PRMT7: variants seen among roughly 807,000 people sequenced by gnomAD.
PRMT7 encodes protein arginine methyltransferase 7, also known as protein arginine N-methyltransferase 7.
Under a neutral mutation model 85.4 loss-of-function variants are expected in PRMT7, and 75 were observed. That is an observed-to-expected ratio of 0.88 (90% CI 0.73 to 1.06). The LOEUF (loss-of-function observed/expected upper bound fraction) is 1.06, where lower values mean the gene tolerates loss of function less well. PRMT7 is among the 50% of genes least tolerant of loss of function. PRMT7 has a pLI of 0.00. For missense variants in PRMT7, 868 were observed against 915.2 expected (o/e 0.95, Z 0.67); for synonymous variants, 397 against 359.5 (o/e 1.10, Z -1.18).
chr16:68,348,559 T>G, intron 14 of PRMT7, 128 bp downstream of exon 14: 8 of 472,598 alleles, frequency 1.7e-5, no homozygotes, highest in Admixed American at 4.1e-5. Context: ...CCTTACCTCC[T>G]ACGAGCTCCC....
chr16:68,317,427 G>A (rs1292058256), intron 3 of PRMT7, among the ~76,000 whole-genome samples: 2 of 152,126 alleles, frequency 1.3e-5, no homozygotes, highest in Non-Finnish European at 2.9e-5. Context: ...TTGTGGCTGG[G>A]TGCAGTGGCC....
intron 2 of PRMT7, among the ~76,000 whole-genome samples, chr16:68,313,880 T>C (rs2044314618): frequency 1.3e-5 from 2 of 151,950 alleles, no homozygotes; most frequent in African/African-American, 4.8e-5. Flanking sequence ...GGCTGTAGAG[T>C]GTAATGATCA....
At chr16:68,333,081 C>T (rs1433459054) in intron 6 of PRMT7, among the ~76,000 whole-genome samples, 4 of 152,156 alleles carry the variant, frequency 2.6e-5, no homozygotes. Flanking sequence ...GCAGCCTCGA[C>T]TTCTGGGCTC....
intron 6 of PRMT7, among the ~76,000 whole-genome samples, chr16:68,334,867 G>T (rs56331745): frequency 0.14 from 20,875 of 151,948 alleles, 1,530 homozygotes; most frequent in African/African-American, 0.18. Context: ...GGCAATTTCA[G>T]CTCACTACAA....
At chr16:68,319,897 G>T (rs1198638005) in intron 3 of PRMT7, among the ~76,000 whole-genome samples, 1 of 152,106 alleles carries the variant, frequency 6.6e-6, no homozygotes, top group Admixed American at 6.5e-5. Flanking sequence ...TCCCGACCCC[G>T]CCTGAGGGTT....
chr16:68,349,896 A>C (rs780410296), intron 14 of PRMT7, among the ~76,000 whole-genome samples: 1 of 148,406 alleles, frequency 6.7e-6, no homozygotes, highest in Non-Finnish European at 1.5e-5. Context: ...CCTTGTCTCT[A>C]AAAAAAATGG....
intron 7 of PRMT7, among the ~76,000 whole-genome samples, chr16:68,337,913 G>A (rs994204507): frequency 1.3e-5 from 2 of 152,236 alleles, no homozygotes; most frequent in Admixed American, 6.5e-5. Context: ...AGAGCAGCAC[G>A]TGCTAGACGT....
At chr16:68,320,604 C>A (rs933656772) in intron 3 of PRMT7, among the ~76,000 whole-genome samples, 6 of 152,162 alleles carry the variant, frequency 3.9e-5, no homozygotes, top group Non-Finnish European at 7.4e-5. Flanking sequence ...AAACCCACGA[C>A]CTTCAGTGTG....
At chr16:68,352,487 G>T in intron 15 of PRMT7, 78 bp downstream of exon 15, 1 of 1,465,670 alleles carries the variant, frequency 6.8e-7, no homozygotes, top group African/African-American at 1.4e-5. Context: ...GGAACCTTGG[G>T]TGCCTGTAGA....
intron 4 of PRMT7, among the ~76,000 whole-genome samples, chr16:68,323,202 T>C (rs2082703682): frequency 7.1e-6 from 1 of 141,174 alleles, no homozygotes; most frequent in South Asian, 2.2e-4. Context: ...CATTTCTTTT[T>C]TTTCTTTTTT....
At chr16:68,356,585 C>T (rs2088552867) in intron 17 of PRMT7, 116 bp from the exon 18 acceptor site, 2 of 740,350 alleles carry the variant, frequency 2.7e-6, no homozygotes, top group Admixed American at 2.5e-5. Context: ...GAACTCCCGG[C>T]AGGGCAGGAA....
At chr16:68,348,487 C>T (rs2086746084) in intron 14 of PRMT7, 56 bp downstream of exon 14, 1 of 1,423,896 alleles carries the variant, frequency 7.0e-7, no homozygotes, top group Non-Finnish European at 9.9e-7. Flanking sequence ...GTCAGCACGG[C>T]ACTGAAGTAG....
At chr16:68,356,913 A>G in intron 18 of PRMT7, 116 bp downstream of exon 18, 1 of 1,369,268 alleles carries the variant, frequency 7.3e-7, no homozygotes, top group East Asian at 2.5e-5. Context: ...TTCGGGCCAG[A>G]TGATGACCCC....
At chr16:68,322,344 C>T (rs78318620) in intron 4 of PRMT7, 20,676 of 438,184 alleles carry the variant, frequency 0.047, 675 homozygotes, top group Middle Eastern at 0.12. Flanking sequence ...GGACTACAGG[C>T]ATGCCACCAT....
rs755262162 is a variant in PRMT7, at chr16:68,348,419, A to T, written c.1401A>T (p.Leu467=). 6.2e-7 allele frequency: 1 copy of T among 1,610,974 alleles called. No homozygotes were observed. The highest frequency in any genetic ancestry group is 8.5e-7 in the Non-Finnish European group (1 of 1,177,294). The change falls in exon 14 of 19, where the codon CTA becomes CTT. Residue 467 remains leucine, a synonymous_variant. Transcript: ENST00000441236. ...KRPELLTNED[L]QGRKVSLLLG... is the part of the protein sequence containing the mutation. ...CGGAATTATTAACAAATGAGGACCTACAGGGCAGAAAGGTGAGTAGCGGGA... is the reference window on the plus strand; with the variant it reads ...CGGAATTATTAACAAATGAGGACCTTCAGGGCAGAAAGGTGAGTAGCGGGA...
intron 14 of PRMT7, among the ~76,000 whole-genome samples, chr16:68,349,167 C>G (rs1291563907): frequency 6.6e-6 from 1 of 152,152 alleles, no homozygotes; most frequent in Non-Finnish European, 1.5e-5. Flanking sequence ...GCTCTACCCG[C>G]TTGTCCTTGT....
chr16:68,352,612 G>A, intron 15 of PRMT7: 1 of 485,644 alleles, frequency 2.1e-6, no homozygotes, highest in East Asian at 3.4e-5. Context: ...ATACGAAATG[G>A]AAATGGCTGA....
intron 6 of PRMT7, among the ~76,000 whole-genome samples, chr16:68,332,553 T>C (rs1047196200): frequency 6.6e-6 from 1 of 152,242 alleles, no homozygotes; most frequent in African/African-American, 2.4e-5. Context: ...GAGATTGTTA[T>C]CACTCATGCA....
intron 9 of PRMT7, among the ~76,000 whole-genome samples, chr16:68,343,191 C>T (rs765769405): frequency 4.0e-5 from 6 of 150,876 alleles, no homozygotes; most frequent in Middle Eastern, 6.8e-3. Flanking sequence ...GCAACAAGAG[C>T]GAAACTCCGT....
Sources: allele counts gnomAD v4.1 joint callset (sites outside exome capture counted in the v4.1 genomes callset), GRCh38; gene constraint gnomAD v4.1.1; transcripts MANE v1.5; gene names NCBI Gene and HGNC (gene_info 2026-07-23, HGNC 2026-07-21).